SGMS1: variants seen among roughly 807,000 people sequenced by gnomAD.
SGMS1 encodes the protein phosphatidylcholine:ceramide cholinephosphotransferase 1.
A neutral mutation model predicts 46.2 loss-of-function variants in SGMS1; 13 were observed. The observed-to-expected ratio is 0.28, with a 90% CI of 0.18 to 0.45. The LOEUF (loss-of-function observed/expected upper bound fraction) is 0.45. SGMS1 is among the 20% of genes least tolerant of loss of function. SGMS1 has a pLI of 1.00. For missense variants in SGMS1, 324 were observed against 519.9 expected (o/e 0.62, Z 3.66); for synonymous variants, 203 against 187.8 (o/e 1.08, Z -0.66).
In SGMS1 at chr10:50,318,888, G is replaced by T. The variant is rs116579586; in HGVS notation, c.742-7473C>A. The stretch of plus-strand genomic sequence containing the variant: ...AGGGGGTGTCTCTAAGCAATTATCA[G>T]CAATAAAACACTAATCTCCCACCAG... On this transcript the variant is annotated intron_variant, in intron 8 of 10. Coordinates refer to ENST00000361781, the MANE Select transcript of SGMS1 (RefSeq NM_147156.4). 8.9e-3 allele frequency among the ~76,000 whole-genome samples: 1,356 copies of T among 152,062 alleles called. 16 individuals are homozygous for T. The highest frequency in any genetic ancestry group is 0.031 in the African/African-American group (1,272 of 41,470).
At chr10:50,317,934 G>C (rs753716326) in intron 8 of SGMS1, among the ~76,000 whole-genome samples, 1 of 151,600 alleles carries the variant, frequency 6.6e-6, no homozygotes, top group Non-Finnish European at 1.5e-5. Context: ...CTCCCAAGTA[G>C]CTGGGATTAT....
At chr10:50,583,421 A>G (rs1339910080) in intron 2 of SGMS1, among the ~76,000 whole-genome samples, 4 of 152,148 alleles carry the variant, frequency 2.6e-5, no homozygotes, top group Non-Finnish European at 5.9e-5. Context: ...TTCATGCTTC[A>G]CCTTCTGCAG....
At chr10:50,327,466 C>T (rs1015759516) in intron 7 of SGMS1, 144 bp from the exon 8 acceptor site, 12 of 622,220 alleles carry the variant, frequency 1.9e-5, no homozygotes, top group Non-Finnish European at 3.4e-5. Context: ...ATGGCTAATA[C>T]CAGATTAAGA....
intron 8 of SGMS1, among the ~76,000 whole-genome samples, chr10:50,320,489 A>C (rs1424460629): frequency 6.6e-6 from 1 of 152,200 alleles, no homozygotes; most frequent in Non-Finnish European, 1.5e-5. Flanking sequence ...ATACCCTACT[A>C]TCTCTATCAA....
intron 3 of SGMS1, among the ~76,000 whole-genome samples, chr10:50,478,012 C>T (rs1446679414): frequency 4.6e-5 from 7 of 152,160 alleles, no homozygotes; most frequent in Non-Finnish European, 1.0e-4. Flanking sequence ...TGGTAATGAA[C>T]AAATGGCAAT....
At chr10:50,538,726 C>T (rs771916855) in intron 2 of SGMS1, among the ~76,000 whole-genome samples, 27 of 152,172 alleles carry the variant, frequency 1.8e-4, no homozygotes, top group Non-Finnish European at 3.5e-4. Context: ...ATGGAATTCA[C>T]ATTCAGGAAA....
intron 6 of SGMS1, among the ~76,000 whole-genome samples, chr10:50,366,406 A>G (rs1444841116): frequency 6.6e-6 from 1 of 152,164 alleles, no homozygotes; most frequent in African/African-American, 2.4e-5. Flanking sequence ...TTCCTCAAGG[A>G]TCTAGAACTA....
intron 7 of SGMS1, 154 bp downstream of exon 7, chr10:50,343,338 G>A: frequency 1.3e-6 from 1 of 770,024 alleles, no homozygotes; most frequent in East Asian, 2.8e-5. Flanking sequence ...CTTCCAGACA[G>A]TAAGTTAGTC....
intron 5 of SGMS1, among the ~76,000 whole-genome samples, chr10:50,453,944 T>C (rs1437728483): frequency 7.5e-6 from 1 of 134,212 alleles, no homozygotes; most frequent in Non-Finnish European, 1.5e-5. Flanking sequence ...CACTTAGATA[T>C]AAACAAATCA....
chr10:50,331,204 T>C (rs1354388925), intron 7 of SGMS1, among the ~76,000 whole-genome samples: 1 of 152,220 alleles, frequency 6.6e-6, no homozygotes, highest in Non-Finnish European at 1.5e-5. Context: ...ACAGCAATTG[T>C]TTTGCCAAAG....
At chr10:50,432,783 G>C (rs1372046360) in intron 6 of SGMS1, among the ~76,000 whole-genome samples, 1 of 152,148 alleles carries the variant, frequency 6.6e-6, no homozygotes, top group Non-Finnish European at 1.5e-5. Flanking sequence ...CCAATATACA[G>C]ATGAGTTGAC....
At chr10:50,538,318 C>G (rs373986549) in intron 2 of SGMS1, among the ~76,000 whole-genome samples, 16 of 151,022 alleles carry the variant, frequency 1.1e-4, no homozygotes, top group Non-Finnish European at 8.9e-5. Context: ...ATTAGCCGGG[C>G]GTGGTGGTGG....
At chr10:50,477,418 G>A (rs899565873) in intron 3 of SGMS1, among the ~76,000 whole-genome samples, 3 of 152,194 alleles carry the variant, frequency 2.0e-5, no homozygotes, top group Non-Finnish European at 4.4e-5. Context: ...TTATTTTACA[G>A]GCTCATAGGT....
chr10:50,459,695 C>T lies in SGMS1; in HGVS notation c.-313+978G>A, dbSNP rs557739100. 6.6e-5 allele frequency among the ~76,000 whole-genome samples: 10 copies of T among 152,334 alleles called. No homozygotes were observed. The South Asian group carries it at 8.3e-4, about 13-fold the overall frequency. On this transcript the variant is annotated intron_variant, in intron 5 of 10. Coordinates refer to ENST00000361781, the MANE Select transcript of SGMS1 (RefSeq NM_147156.4). ...CTGGGATTACAGGCGTGAGCCACCA[C>T]GCCCAGCTGAATAAGAATATTTTTA... is the stretch of plus-strand genomic sequence containing the variant.
chr10:50,387,023 G>A (rs527509547), intron 6 of SGMS1, among the ~76,000 whole-genome samples: 13 of 152,262 alleles, frequency 8.5e-5, no homozygotes, highest in Non-Finnish European at 1.6e-4. Context: ...TCAAGGTCAA[G>A]TGCCCTACAA....
intron 2 of SGMS1, among the ~76,000 whole-genome samples, chr10:50,567,056 C>T (rs1390434191): frequency 6.6e-6 from 1 of 151,976 alleles, no homozygotes; most frequent in Non-Finnish European, 1.5e-5. Context: ...AAGCAATTCT[C>T]CTGCCTCAGC....
intron 1 of SGMS1, among the ~76,000 whole-genome samples, chr10:50,614,209 C>T (rs945314555): frequency 5.3e-5 from 8 of 151,874 alleles, no homozygotes; most frequent in African/African-American, 1.9e-4. Flanking sequence ...CTCCAAGCTT[C>T]TAATGAGTGC....
chr10:50,607,243 A>G (rs1838706371), intron 1 of SGMS1, among the ~76,000 whole-genome samples: 1 of 151,124 alleles, frequency 6.6e-6, no homozygotes, highest in Admixed American at 6.6e-5. Context: ...TCGGCCTCCC[A>G]AAGTGCTAGG....
intron 6 of SGMS1, among the ~76,000 whole-genome samples, chr10:50,385,496 C>A (rs1158987959): frequency 6.6e-6 from 1 of 152,106 alleles, no homozygotes; most frequent in Non-Finnish European, 1.5e-5. Context: ...AAGTTTTAAT[C>A]AAGTTACCAT....
Sources: allele counts gnomAD v4.1 joint callset (sites outside exome capture counted in the v4.1 genomes callset), GRCh38; gene constraint gnomAD v4.1.1; transcripts MANE v1.5; gene names NCBI Gene and HGNC (gene_info 2026-07-23, HGNC 2026-07-21).